The following KIAA0586 variants were observed in gnomAD, a reference collection of about 807,000 sequenced individuals.
KIAA0586 encodes KIAA0586, also known as protein TALPID3.
KIAA0586 carries 144 observed loss-of-function variants against 169.8 expected under a neutral mutation model. That is an observed-to-expected ratio of 0.85 (90% CI 0.74 to 0.97). The LOEUF is 0.97. KIAA0586 is among the 50% of genes least tolerant of loss of function. The pLI, the probability that KIAA0586 is intolerant of heterozygous loss-of-function variation, is 0.00. For missense variants in KIAA0586, 1,854 were observed against 1,823.0 expected, an observed-to-expected ratio of 1.02 and a Z score of -0.31; for synonymous variants, 625 against 612.4, an observed-to-expected ratio of 1.02 and a Z score of -0.30.
Position 58,444,025 on chromosome 14 carries a change from A to G in KIAA0586, c.657A>G (p.Lys219=), listed in dbSNP as rs533752814. 244 of 1,612,258 alleles carry G rather than the reference A, an allele frequency of 1.5e-4. No individual in the cohort carries two copies. Among genetic ancestry groups the G allele is most frequent in the Admixed American group, 1.0e-3 (62 of 59,812 alleles). Reference sequence around the variant, plus strand: ...TTAGTAAATTACAGGAGACTGATAAACACCTGCAACGTGTTACAGAGCAGC... The same window carrying G: ...TTAGTAAATTACAGGAGACTGATAAGCACCTGCAACGTGTTACAGAGCAGC... ...ELLSKLQETD[K]HLQRVTEQQT... Residue 219 remains lysine (K), a synonymous_variant, in exon 6 of 31, where the codon AAA becomes AAG. Transcript: ENST00000652326.
chr14:58,473,023 C>G (rs1186887325), intron 18 of KIAA0586, among the ~76,000 whole-genome samples: 1 of 148,404 alleles, frequency 6.7e-6, no homozygotes, highest in African/African-American at 2.5e-5. Context: ...TAATGCCTAG[C>G]AAAGGTACTT....
intron 28 of KIAA0586, among the ~76,000 whole-genome samples, chr14:58,511,591 T>C (rs2044390160): frequency 6.6e-6 from 1 of 152,196 alleles, no homozygotes; most frequent in Admixed American, 6.5e-5. Context: ...GTAGTCCTAG[T>C]ACCCATCTTA....
chr14:58,427,888 C>A lies in KIAA0586; in HGVS notation c.-377C>A. 7.3e-7 allele frequency: 1 copy of A among 1,367,206 alleles called. No homozygotes were observed. Among genetic ancestry groups the A allele is most frequent in the Non-Finnish European group, 9.6e-7 (1 of 1,043,362 alleles). 84.7% of individuals were successfully genotyped at this position (1,367,206 alleles called of 1,614,324 possible). Reference sequence around the variant, plus strand: ...TCATTATTTTAAAAATAGCATTTCGCTTTTATTTGCTTGACTGCCTCTTCT... The same window carrying A: ...TCATTATTTTAAAAATAGCATTTCGATTTTATTTGCTTGACTGCCTCTTCT... On this transcript the variant is annotated 5_prime_UTR_variant, in exon 1 of 31. Coordinates refer to ENST00000652326, the MANE Select transcript of KIAA0586 (RefSeq NM_001329943.3).
intron 27 of KIAA0586, among the ~76,000 whole-genome samples, chr14:58,503,790 A>G (rs2043743196): frequency 6.6e-6 from 1 of 151,508 alleles, no homozygotes; most frequent in Admixed American, 6.6e-5. Flanking sequence ...CAGAATATGC[A>G]ATGAGACAGG....
At chr14:58,521,480 A>G (rs2045223280) in intron 29 of KIAA0586, 2 of 758,646 alleles carry the variant, frequency 2.6e-6, no homozygotes, top group Non-Finnish European at 4.8e-6. Context: ...CGGGATTATT[A>G]TGATAGGATG....
intron 16 of KIAA0586, 67 bp from the exon 17 acceptor site, chr14:58,470,546 C>T: frequency 2.2e-6 from 2 of 902,950 alleles, no homozygotes; most frequent in East Asian, 2.7e-5. Flanking sequence ...CATGTATATA[C>T]ACATACTCAT....
chr14:58,472,337 T>C, intron 18 of KIAA0586, 58 bp downstream of exon 18: 1 of 937,104 alleles, frequency 1.1e-6, no homozygotes, highest in Non-Finnish European at 1.6e-6. Flanking sequence ...TTCCAGGTTG[T>C]TGACTATCTT....
intron 29 of KIAA0586, among the ~76,000 whole-genome samples, chr14:58,533,075 T>A (rs2046081529): frequency 6.6e-6 from 1 of 152,204 alleles, no homozygotes; most frequent in Admixed American, 6.5e-5. Context: ...CTGTACCACC[T>A]AATGGAGTCA....
intron 20 of KIAA0586, among the ~76,000 whole-genome samples, chr14:58,479,247 A>G (rs2041867303): frequency 6.6e-6 from 1 of 152,200 alleles, no homozygotes; most frequent in African/African-American, 2.4e-5. Flanking sequence ...TTCCCTAACT[A>G]TACTAATACC....
intron 29 of KIAA0586, chr14:58,536,932 T>A: frequency 1.2e-6 from 1 of 821,134 alleles, no homozygotes; most frequent in Non-Finnish European, 1.7e-6. Flanking sequence ...TTAATAGAAC[T>A]TTATAGATCA....
Position 58,487,151 on chromosome 14 carries a change from A to T in KIAA0586, c.3289A>T (p.Ile1097Leu). 1 of 1,609,996 alleles carries T rather than the reference A, an allele frequency of 6.2e-7. No individual in the cohort carries two copies. Among genetic ancestry groups the T allele is most frequent in the Non-Finnish European group, 8.5e-7 (1 of 1,178,760 alleles). The change falls in exon 22 of 31, where the codon ATA becomes TTA. Residue 1097 changes from isoleucine to leucine, a missense_variant. Ile to Leu is a conservative substitution (Grantham distance 5, BLOSUM62 2). Transcript: ENST00000652326. ...DHDMAFPVKE[I>L]CAEKGDDMPA... ...TGATATGGCTTTTCCTGTGAAAGAA[A>T]TATGTGCTGAAAAAGGTAGAAACTT...
At chr14:58,511,420 G>C (rs2044374585) in intron 28 of KIAA0586, among the ~76,000 whole-genome samples, 1 of 152,154 alleles carries the variant, frequency 6.6e-6, no homozygotes, top group South Asian at 2.1e-4. Flanking sequence ...GGAAATTGAG[G>C]TATTGAGCAG....
chr14:58,495,276 ATGTG>A (rs754704939), intron 26 of KIAA0586, among the ~76,000 whole-genome samples: 2 of 150,064 alleles, frequency 1.3e-5, no homozygotes, highest in Non-Finnish European at 1.5e-5. Flanking sequence ...ATATGTGTGT[ATGTG>A]TGTGTGTGTG....
intron 8 of KIAA0586, among the ~76,000 whole-genome samples, chr14:58,451,306 GC>G (rs2039367134): frequency 6.6e-6 from 1 of 151,990 alleles, no homozygotes. Flanking sequence ...GCTCACTGCA[GC>G]CTTTACCTCC....
intron 30 of KIAA0586, among the ~76,000 whole-genome samples, chr14:58,547,233 G>A (rs1483866740): frequency 6.6e-6 from 1 of 151,358 alleles, no homozygotes; most frequent in Non-Finnish European, 1.5e-5. Flanking sequence ...TGCTCTCCTA[G>A]CTATTTACTT....
chr14:58,475,010 C>G (rs1339254081), intron 19 of KIAA0586, among the ~76,000 whole-genome samples: 1 of 152,208 alleles, frequency 6.6e-6, no homozygotes, highest in Non-Finnish European at 1.5e-5. Flanking sequence ...AATCTGTCTA[C>G]TCTGGCACAA....
downstream of KIAA0586, among the ~76,000 whole-genome samples, chr14:58,554,956 A>G (rs1239526358): frequency 6.6e-6 from 1 of 152,076 alleles, no homozygotes; most frequent in African/African-American, 2.4e-5. Context: ...GTTAGGAGAG[A>G]AATTCTGCAG....
At chr14:58,476,459 C>G (rs2041633271) in intron 19 of KIAA0586, among the ~76,000 whole-genome samples, 1 of 152,028 alleles carries the variant, frequency 6.6e-6, no homozygotes, top group African/African-American at 2.4e-5. Flanking sequence ...TAGCTCTGAT[C>G]TGATATGGTT....
intron 28 of KIAA0586, among the ~76,000 whole-genome samples, chr14:58,510,743 A>G (rs2044329544): frequency 6.6e-6 from 1 of 152,192 alleles, no homozygotes; most frequent in African/African-American, 2.4e-5. Context: ...CAACTGGTAA[A>G]TGGACAAATT....
Sources: allele counts gnomAD v4.1 joint callset (sites outside exome capture counted in the v4.1 genomes callset), GRCh38; gene constraint gnomAD v4.1.1; transcripts MANE v1.5; gene names NCBI Gene and HGNC (gene_info 2026-07-23, HGNC 2026-07-21).